The following MET variants were observed in gnomAD, a reference collection of about 807,000 sequenced individuals.
MET encodes MET proto-oncogene, receptor tyrosine kinase, also known as hepatocyte growth factor receptor.
In MET, 48 loss-of-function variants were observed where a neutral mutation model predicts 133.1. The observed-to-expected ratio is 0.36, with a 90% CI of 0.29 to 0.46. MET has a LOEUF of 0.46. Among genes scored for constraint, MET ranks in the 20% least tolerant of loss-of-function variants. MET has a pLI of 1.00. For synonymous variants in MET, 628 were observed against 616.5 expected, an observed-to-expected ratio of 1.02 and a Z score of -0.28; for missense variants, 1,442 against 1,695.9, an observed-to-expected ratio of 0.85 and a Z score of 2.63.
chr7:116,766,915 A>G (rs1794646922), intron 11 of MET, among the ~76,000 whole-genome samples: 1 of 152,084 alleles, frequency 6.6e-6, no homozygotes, highest in South Asian at 2.1e-4. Context: ...GTTTTCCCCA[A>G]AATGCCTATT....
chr7:116,728,509 C>T (rs760146587), intron 2 of MET, among the ~76,000 whole-genome samples: 1 of 152,190 alleles, frequency 6.6e-6, no homozygotes, highest in Non-Finnish European at 1.5e-5. Flanking sequence ...ATTGCTCTCC[C>T]TCCATTTACA....
intron 19 of MET, among the ~76,000 whole-genome samples, chr7:116,790,460 G>T (rs772185290): frequency 1.3e-5 from 2 of 152,164 alleles, no homozygotes; most frequent in Non-Finnish European, 2.9e-5. Context: ...TTTAAAGGCA[G>T]AATAATATTC....
At chr7:116,712,446 T>A (rs573892433) in intron 2 of MET, among the ~76,000 whole-genome samples, 1 of 152,320 alleles carries the variant, frequency 6.6e-6, no homozygotes, top group South Asian at 2.1e-4. Context: ...TCCCAGCACC[T>A]AATACAATAG....
intron 3 of MET, 125 bp downstream of exon 3, chr7:116,731,984 C>T (rs895087563): frequency 4.3e-6 from 4 of 935,364 alleles, no homozygotes; most frequent in Non-Finnish European, 6.8e-6. Context: ...AACTGGAACA[C>T]AGACTGAAAG....
Position 116,731,866 on chromosome 7 carries a change from G to C in MET, c.1392+7G>C, listed in dbSNP as rs1793022650. 1 of 1,613,674 alleles carries C rather than the reference G, an allele frequency of 6.2e-7. No individual in the cohort carries two copies. The highest frequency in any genetic ancestry group is 8.5e-7 in the Non-Finnish European group (1 of 1,179,618). ...AGAGGGTCGCTTCATGCAGGTAAGT[G>C]CTTTCTGAGAGTAGCTGTGTCTGTT... On this transcript the variant is annotated splice_region_variant and intron_variant, in intron 3 of 20. Coordinates refer to ENST00000397752, the MANE Select transcript of MET (RefSeq NM_000245.4).
chr7:116,711,742 T>A (rs973706022), intron 2 of MET, among the ~76,000 whole-genome samples: 2 of 152,144 alleles, frequency 1.3e-5, no homozygotes, highest in African/African-American at 4.8e-5. Flanking sequence ...TTGGAGTAAG[T>A]AATCTTTGTT....
intron 2 of MET, among the ~76,000 whole-genome samples, chr7:116,716,334 A>G (rs972395841): frequency 1.6e-4 from 21 of 134,054 alleles, no homozygotes; most frequent in Non-Finnish European, 2.7e-4. Context: ...AGAGAGAGAG[A>G]GAGAAAAGAA....
In MET at chr7:116,699,837, T is replaced by C. The variant is rs1392829448; in HGVS notation, c.753T>C (p.His251=). 1.2e-6 allele frequency: 2 copies of C among 1,614,004 alleles called. No homozygotes were observed. The highest frequency in any genetic ancestry group is 1.7e-5 in the Admixed American group (1 of 59,998). Reference sequence around the variant, plus strand: ...ATTCTTACCCCATTAAGTATGTCCATGCCTTTGAAAGCAACAATTTTATTT... The same window carrying C: ...ATTCTTACCCCATTAAGTATGTCCACGCCTTTGAAAGCAACAATTTTATTT... The part of the protein sequence containing the change: ...FRDSYPIKYV[H]AFESNNFIYF... The change falls in exon 2 of 21, where the codon CAT becomes CAC. Residue 251 remains histidine (H), a synonymous_variant. Transcript: ENST00000397752.
intron 19 of MET, among the ~76,000 whole-genome samples, chr7:116,792,456 G>GACACACACACACACACACAC (rs56212730): frequency 5.0e-5 from 4 of 80,710 alleles, no homozygotes; most frequent in South Asian, 5.7e-4. Flanking sequence ...TCAACCGACA[G>GACACACACACACACACACAC]ACACACACAC....
chr7:116,785,922 T>C (rs1423340324), intron 19 of MET, among the ~76,000 whole-genome samples: 1 of 152,248 alleles, frequency 6.6e-6, no homozygotes, highest in Non-Finnish European at 1.5e-5. Context: ...TGAGTTTGCC[T>C]TGGGAGTAGA....
chr7:116,713,909 A>C (rs1174982308), intron 2 of MET, among the ~76,000 whole-genome samples: 2 of 152,184 alleles, frequency 1.3e-5, no homozygotes, highest in African/African-American at 4.8e-5. Context: ...ACCACCTCCA[A>C]GAAGAACTAC....
chr7:116,781,486 G>A (rs1795152976), intron 17 of MET, among the ~76,000 whole-genome samples: 1 of 152,232 alleles, frequency 6.6e-6, no homozygotes, highest in South Asian at 2.1e-4. Context: ...TGTAATTTAT[G>A]AAAACAATTA....
chr7:116,724,502 TA>T (rs2116731969), intron 2 of MET, among the ~76,000 whole-genome samples: 1 of 152,288 alleles, frequency 6.6e-6, no homozygotes, highest in South Asian at 2.1e-4. Context: ...GGATAAGCCT[TA>T]AAAGGCTCAA....
chr7:116,749,326 T>G (rs941938398), intron 5 of MET, among the ~76,000 whole-genome samples: 1 of 152,126 alleles, frequency 6.6e-6, no homozygotes, highest in African/African-American at 2.4e-5. Flanking sequence ...ATAAACATAA[T>G]CCATCACATA....
intron 2 of MET, among the ~76,000 whole-genome samples, chr7:116,723,456 T>A (rs1792584374): frequency 6.6e-6 from 1 of 152,196 alleles, no homozygotes; most frequent in Admixed American, 6.5e-5. Context: ...AGTAATTTGA[T>A]CATCTGAAGC....
chr7:116,791,405 A>G (rs982293372), intron 19 of MET, among the ~76,000 whole-genome samples: 19 of 152,112 alleles, frequency 1.2e-4, no homozygotes, highest in African/African-American at 4.6e-4. Context: ...AATTGGTTGT[A>G]GTGCTGTCTC....
At position 116,706,692 on chromosome 7, in the gene MET, A is replaced by G. The variant is rs545026281; in HGVS notation, c.1200+6408A>G. On this transcript the variant is annotated intron_variant, in intron 2 of 20. Transcript: ENST00000397752. ...AATTTGGATAGAAGACCCTCCAGGA[A>G]TTTCTGCCACTGCTTATTCATGGGT... 1.2e-3 allele frequency among the ~76,000 whole-genome samples: 176 copies of G among 152,118 alleles called. 2 individuals carry two copies. The highest frequency in any genetic ancestry group is 1.0e-3 in the Non-Finnish European group (69 of 67,976).
chr7:116,796,340 C>A lies in MET; in HGVS notation c.*216C>A, dbSNP rs149188493. 7.4e-3 allele frequency: 4,336 copies of A among 583,806 alleles called. 145 individuals carry two copies. The highest frequency in any genetic ancestry group is 0.071 in the African/African-American group (3,829 of 53,834). 36.2% of individuals were successfully genotyped at this position (583,806 alleles called of 1,614,324 possible). Reference sequence around the variant, plus strand: ...CCACAGGCCACGGACCAATGGCCTGCAGCCGTGACAACACTCCTGTCATAT... The same window carrying A: ...CCACAGGCCACGGACCAATGGCCTGAAGCCGTGACAACACTCCTGTCATAT... On this transcript the variant is annotated 3_prime_UTR_variant, in exon 21 of 21. Coordinates refer to ENST00000397752, the MANE Select transcript of MET (RefSeq NM_000245.4).
chr7:116,702,549 C>T (rs542005099), intron 2 of MET, among the ~76,000 whole-genome samples: 1 of 152,284 alleles, frequency 6.6e-6, no homozygotes, highest in South Asian at 2.1e-4. Flanking sequence ...GCAGGACTCT[C>T]AAGCAATAAG....
Sources: allele counts gnomAD v4.1 joint callset (sites outside exome capture counted in the v4.1 genomes callset), GRCh38; gene constraint gnomAD v4.1.1; transcripts MANE v1.5; gene names NCBI Gene and HGNC (gene_info 2026-07-23, HGNC 2026-07-21).